Variants in PRKG2 observed in about 807,000 individuals in gnomAD.
The protein encoded by PRKG2 is protein kinase cGMP-dependent 2.
In PRKG2, 33 loss-of-function variants were observed where a neutral mutation model predicts 97.2. That is an observed-to-expected ratio of 0.34 (90% confidence interval 0.26 to 0.45). The LOEUF (loss-of-function observed/expected upper bound fraction) is 0.45, where lower values mean the gene tolerates loss of function less well. Among genes scored for constraint, PRKG2 ranks in the 20% least tolerant of loss-of-function variants. The pLI is 1.00. For synonymous variants in PRKG2, 330 were observed against 321.8 expected, an observed-to-expected ratio of 1.03 and a Z score of -0.27; for missense variants, 638 against 900.0, an observed-to-expected ratio of 0.71 and a Z score of 3.73.
intron 15 of PRKG2, among the ~76,000 whole-genome samples, chr4:81,109,781 G>A (rs894746): frequency 0.14 from 21,136 of 152,032 alleles, 1,870 homozygotes; most frequent in African/African-American, 0.24. Flanking sequence ...ATCACATATA[G>A]CCTGTGTATG....
At chr4:81,124,488 C>A (rs142196137) in intron 14 of PRKG2, among the ~76,000 whole-genome samples, 117 of 152,326 alleles carry the variant, frequency 7.7e-4, no homozygotes, top group Middle Eastern at 3.4e-3. Flanking sequence ...GTGTGACTTT[C>A]AAGAGCAGGT....
At chr4:81,186,228 C>T (rs184148338) in intron 2 of PRKG2, among the ~76,000 whole-genome samples, 1 of 152,254 alleles carries the variant, frequency 6.6e-6, no homozygotes, top group African/African-American at 2.4e-5. Context: ...GGAAATAAAA[C>T]ACTCCTCAGC....
intron 14 of PRKG2, among the ~76,000 whole-genome samples, chr4:81,111,519 T>C (rs1743983921): frequency 6.6e-6 from 1 of 151,684 alleles, no homozygotes; most frequent in South Asian, 2.1e-4. Context: ...AAATCATATA[T>C]GTCAAGAACA....
chr4:81,160,517 A>G (rs1291600501), intron 6 of PRKG2, among the ~76,000 whole-genome samples: 1 of 152,158 alleles, frequency 6.6e-6, no homozygotes, highest in Admixed American at 6.5e-5. Flanking sequence ...GCTCTAGAAA[A>G]AGAACAAGTG....
chr4:81,093,598 G>A (rs556703836), intron 17 of PRKG2, among the ~76,000 whole-genome samples: 1 of 152,174 alleles, frequency 6.6e-6, no homozygotes, highest in Non-Finnish European at 1.5e-5. Context: ...TATGGGACAG[G>A]GGCTCAATAA....
At chr4:81,158,075 G>T (rs1349079488) in intron 6 of PRKG2, among the ~76,000 whole-genome samples, 1 of 148,336 alleles carries the variant, frequency 6.7e-6, no homozygotes, top group Non-Finnish European at 1.5e-5. Context: ...GGAAGTTCTG[G>T]CCAGGGCAAT....
At chr4:81,160,630 G>A (rs1749529398) in intron 6 of PRKG2, among the ~76,000 whole-genome samples, 1 of 152,152 alleles carries the variant, frequency 6.6e-6, no homozygotes, top group Admixed American at 6.5e-5. Flanking sequence ...AGGTAGTGCT[G>A]TCATAATGCA....
At chr4:81,130,521 C>G (rs1251046464) in intron 14 of PRKG2, among the ~76,000 whole-genome samples, 1 of 152,164 alleles carries the variant, frequency 6.6e-6, no homozygotes, top group Non-Finnish European at 1.5e-5. Context: ...GAGCTCTGTT[C>G]TGGGAGATCC....
chr4:81,103,353 G>A (rs1397858374), intron 17 of PRKG2, among the ~76,000 whole-genome samples: 1 of 149,306 alleles, frequency 6.7e-6, no homozygotes. Flanking sequence ...GTTATCAATG[G>A]CTCTAAAGGC....
At chr4:81,146,435 A>G (rs1747866374) in intron 9 of PRKG2, among the ~76,000 whole-genome samples, 1 of 152,138 alleles carries the variant, frequency 6.6e-6, no homozygotes, top group Non-Finnish European at 1.5e-5. Flanking sequence ...AGCATTTCCC[A>G]TTTGTTTAGA....
chr4:81,171,229 G>T, intron 4 of PRKG2, among the ~76,000 whole-genome samples: 1 of 142,234 alleles, frequency 7.0e-6, no homozygotes. Flanking sequence ...TGTTCTCATT[G>T]TCCAACGCCC....
At chr4:81,206,929 A>T (rs1560630251) in intron 1 of PRKG2, among the ~76,000 whole-genome samples, 1 of 152,214 alleles carries the variant, frequency 6.6e-6, no homozygotes, top group Non-Finnish European at 1.5e-5. Flanking sequence ...CTTATTTCTC[A>T]TAGAATTCAG....
intron 1 of PRKG2, 33 bp from the exon 2 acceptor site, chr4:81,205,093 G>A (rs774781622): frequency 5.0e-6 from 7 of 1,396,440 alleles, no homozygotes; most frequent in Non-Finnish European, 2.9e-6. Flanking sequence ...AGTATCAAGT[G>A]GAGTTTCACT....
At chr4:81,185,645 G>A (rs1751812665) in intron 2 of PRKG2, among the ~76,000 whole-genome samples, 1 of 149,526 alleles carries the variant, frequency 6.7e-6, no homozygotes, top group African/African-American at 2.6e-5. Flanking sequence ...AAATGTAAAT[G>A]GGCTAAATGC....
At chr4:81,130,718 G>A (rs1746088737) in intron 14 of PRKG2, among the ~76,000 whole-genome samples, 1 of 152,174 alleles carries the variant, frequency 6.6e-6, no homozygotes, top group African/African-American at 2.4e-5. Flanking sequence ...GAGGCAGTCT[G>A]GCTACGGTGG....
At chr4:81,195,688 T>C (rs576806411) in intron 2 of PRKG2, among the ~76,000 whole-genome samples, 1 of 152,360 alleles carries the variant, frequency 6.6e-6, no homozygotes, top group South Asian at 2.1e-4. Flanking sequence ...ATTCCTGCTG[T>C]AGTATGTGTC....
upstream of PRKG2, among the ~76,000 whole-genome samples, chr4:81,215,500 G>A (rs1560636142): frequency 2.0e-5 from 3 of 152,242 alleles, no homozygotes; most frequent in East Asian, 3.9e-4. Flanking sequence ...TGTGGGACGA[G>A]GGGAGAGGAA....
At chr4:81,170,510 C>A (rs1236911775) in intron 4 of PRKG2, among the ~76,000 whole-genome samples, 1 of 152,032 alleles carries the variant, frequency 6.6e-6, no homozygotes, top group African/African-American at 2.4e-5. Context: ...TTGGAATCAT[C>A]TTGATATTCT....
At chr4:81,199,044 C>T (rs552357870) in intron 2 of PRKG2, among the ~76,000 whole-genome samples, 5 of 152,016 alleles carry the variant, frequency 3.3e-5, no homozygotes, top group Non-Finnish European at 5.9e-5. Flanking sequence ...TCTAAAGACC[C>T]GGGTTAAGAC....
Sources: allele counts gnomAD v4.1 joint callset (sites outside exome capture counted in the v4.1 genomes callset), GRCh38; gene constraint gnomAD v4.1.1; transcripts MANE v1.5; gene names NCBI Gene and HGNC (gene_info 2026-07-23, HGNC 2026-07-21).